The following PTPRO variants were observed in gnomAD, a reference collection of about 807,000 sequenced individuals.
The protein encoded by PTPRO is receptor-type tyrosine-protein phosphatase O.
In PTPRO, 62 loss-of-function variants were observed where a neutral mutation model predicts 145.2. The ratio of observed to expected loss-of-function variants is 0.43; its 90% CI spans 0.35 to 0.53. The LOEUF (loss-of-function observed/expected upper bound fraction) is 0.53, where lower values mean the gene tolerates loss of function less well. Among genes scored for constraint, PTPRO ranks in the 20% least tolerant of loss-of-function variants. The pLI is 0.01. For synonymous variants in PTPRO, 565 were observed against 514.7 expected, an observed-to-expected ratio of 1.10 and a Z score of -1.32; for missense variants, 1,345 against 1,482.7, an observed-to-expected ratio of 0.91 and a Z score of 1.53.
chr12:15,387,508 C>G (rs1448158174), intron 1 of PTPRO, among the ~76,000 whole-genome samples: 1 of 152,160 alleles, frequency 6.6e-6, no homozygotes, highest in Non-Finnish European at 1.5e-5. Flanking sequence ...AAATCTACTT[C>G]CCCCTTCATA....
chr12:15,396,996 C>G (rs769431231), intron 1 of PTPRO, among the ~76,000 whole-genome samples: 1 of 151,944 alleles, frequency 6.6e-6, no homozygotes, highest in Non-Finnish European at 1.5e-5. Context: ...CACCCAGAAG[C>G]TTAGCTTTAG....
At chr12:15,439,886 A>AC (rs1459579626) in intron 1 of PTPRO, 1 of 652,380 alleles carries the variant, frequency 1.5e-6, no homozygotes, top group African/African-American at 1.8e-5. Context: ...CGGCCAGCAC[A>AC]CCAAGTTCAA....
intron 1 of PTPRO, among the ~76,000 whole-genome samples, chr12:15,409,708 A>G (rs570202508): frequency 6.6e-6 from 1 of 151,836 alleles, no homozygotes; most frequent in Admixed American, 6.5e-5. Context: ...CTTACATGTC[A>G]CTTGGCGAGA....
At chr12:15,368,457 T>C (rs1342228418) in intron 1 of PTPRO, among the ~76,000 whole-genome samples, 1 of 152,172 alleles carries the variant, frequency 6.6e-6, no homozygotes, top group Non-Finnish European at 1.5e-5. Flanking sequence ...GCATAATTGA[T>C]TGATTGATTG....
chr12:15,491,397 A>G (rs1486762817), intron 2 of PTPRO, among the ~76,000 whole-genome samples: 1 of 152,228 alleles, frequency 6.6e-6, no homozygotes, highest in African/African-American at 2.4e-5. Flanking sequence ...TGTTTTCTTT[A>G]AACAATATGT....
At chr12:15,438,725 A>G (rs1454002792) in intron 1 of PTPRO, among the ~76,000 whole-genome samples, 2 of 152,140 alleles carry the variant, frequency 1.3e-5, no homozygotes, top group East Asian at 3.9e-4. Flanking sequence ...GACTAAATGT[A>G]TGAATTATTG....
At chr12:15,520,498 T>C (rs1418742906) in intron 10 of PTPRO, among the ~76,000 whole-genome samples, 186 bp downstream of exon 10, 1 of 152,242 alleles carries the variant, frequency 6.6e-6, no homozygotes, top group Non-Finnish European at 1.5e-5. Flanking sequence ...GAAATCAAAA[T>C]ACCATTTTTA....
In PTPRO at chr12:15,557,772, G is replaced by T. The variant is rs2135578932; in HGVS notation, c.2627+249G>T. Among the ~76,000 whole-genome samples, 3 of 152,256 alleles carry T rather than the reference G, an allele frequency of 2.0e-5. No individual in the cohort carries two copies. In the South Asian group the frequency reaches 6.2e-4, roughly 32 times the overall value. ...TACTAAACAAGGGACTGAAACAGTGGTGCACACGCAGGAGCCCATACCTGT... is the reference window on the plus strand; with the variant it reads ...TACTAAACAAGGGACTGAAACAGTGTTGCACACGCAGGAGCCCATACCTGT... On this transcript the variant is annotated intron_variant, in intron 16 of 26. Coordinates refer to ENST00000281171, the MANE Select transcript of PTPRO (RefSeq NM_030667.3).
At position 15,596,238 on chromosome 12, in the gene PTPRO, A is replaced by T. The variant is rs1410515471; in HGVS notation, c.*165A>T. 6.6e-6 allele frequency: 1 copy of T among 152,618 alleles called. No homozygotes were observed. The highest frequency in any genetic ancestry group is 1.5e-5 in the Non-Finnish European group (1 of 68,038). 9.5% of individuals were successfully genotyped at this position (152,618 alleles called of 1,614,324 possible). A position where few individuals can be genotyped will look rare whatever the true frequency, so the allele number is the denominator to read the frequency against. On this transcript the variant is annotated 3_prime_UTR_variant, in exon 27 of 27. Transcript: ENST00000281171. ...AGAAGCACCGGGAAGACTTAGCCTT[A>T]AAGAGCCTACAGTGTCCTTTTGGAC... is the stretch of plus-strand genomic sequence containing the variant.
At chr12:15,553,708 T>G (rs1469354275) in intron 15 of PTPRO, among the ~76,000 whole-genome samples, 1 of 152,174 alleles carries the variant, frequency 6.6e-6, no homozygotes, top group Non-Finnish European at 1.5e-5. Context: ...TTTAACACTT[T>G]CATTTTGACT....
intron 1 of PTPRO, among the ~76,000 whole-genome samples, chr12:15,467,700 C>T (rs1374507387): frequency 6.6e-6 from 1 of 152,100 alleles, no homozygotes; most frequent in African/African-American, 2.4e-5. Context: ...AATCCAAATC[C>T]CCCTTGGAGT....
At chr12:15,369,794 G>A (rs1414520543) in intron 1 of PTPRO, among the ~76,000 whole-genome samples, 1 of 152,180 alleles carries the variant, frequency 6.6e-6, no homozygotes, top group Non-Finnish European at 1.5e-5. Context: ...GCTCATGCCT[G>A]TAATTCCAAC....
intron 1 of PTPRO, among the ~76,000 whole-genome samples, chr12:15,380,831 T>C (rs1474153630): frequency 6.6e-6 from 1 of 152,198 alleles, no homozygotes; most frequent in Admixed American, 6.5e-5. Flanking sequence ...GACCAAAATA[T>C]ACTTTCATTT....
chr12:15,405,475 T>TA (rs1405774940), intron 1 of PTPRO, among the ~76,000 whole-genome samples: 7 of 152,320 alleles, frequency 4.6e-5, no homozygotes, highest in Middle Eastern at 3.4e-3. Flanking sequence ...CTCTAATTGA[T>TA]ATGAGTTCTA....
chr12:15,408,360 C>T (rs1193812525), intron 1 of PTPRO, among the ~76,000 whole-genome samples: 2 of 152,122 alleles, frequency 1.3e-5, no homozygotes, highest in African/African-American at 2.4e-5. Context: ...GTTACTTTAC[C>T]TTCTTTCTTT....
chr12:15,597,993 A>G lies in PTPRO; in HGVS notation c.*1920A>G, dbSNP rs573063762. Among the ~76,000 whole-genome samples the G allele has an allele frequency of 1.3e-5, 2 of 152,222 alleles. No homozygotes were observed. Among genetic ancestry groups the G allele is most frequent in the South Asian group, 2.1e-4 (1 of 4,834 alleles). On this transcript the variant is annotated 3_prime_UTR_variant, in exon 27 of 27. Transcript: ENST00000281171. Reference sequence around the variant, plus strand: ...AAGTACGTTTCCAACACTGCTGCTCAGAGCATACAGAAGTTTTGCATCCTG... The same window carrying G: ...AAGTACGTTTCCAACACTGCTGCTCGGAGCATACAGAAGTTTTGCATCCTG...
chr12:15,547,752 CT>C (rs1943332527), intron 13 of PTPRO, among the ~76,000 whole-genome samples: 1 of 152,146 alleles, frequency 6.6e-6, no homozygotes, highest in Non-Finnish European at 1.5e-5. Context: ...TAGTTAGCTA[CT>C]TACTACAACT....
chr12:15,589,355 A>C, intron 24 of PTPRO, 100 bp from the exon 25 acceptor site: 1 of 1,535,738 alleles, frequency 6.5e-7, no homozygotes, highest in Non-Finnish European at 8.9e-7. Context: ...CAGCCTGGGC[A>C]ACAGAGCAAG....
chr12:15,451,843 G>T (rs1941054011), intron 1 of PTPRO, among the ~76,000 whole-genome samples: 1 of 152,158 alleles, frequency 6.6e-6, no homozygotes, highest in Non-Finnish European at 1.5e-5. Context: ...TACAGCAAAG[G>T]CTGTGCTGAG....
Sources: gnomAD v4.1 joint callset for allele counts (sites outside exome capture counted in the v4.1 genomes callset) on GRCh38, gnomAD v4.1.1 for gene constraint, MANE v1.5 for transcripts, NCBI Gene and HGNC (gene_info 2026-07-23, HGNC 2026-07-21) for gene names.